The following TBC1D32 variants were observed in gnomAD, a reference collection of about 807,000 sequenced individuals.
The protein encoded by TBC1D32 is TBC1 domain family member 32, also known as protein broad-minded.
Under a neutral mutation model 170.3 loss-of-function variants are expected in TBC1D32, and 151 were observed. That is an observed-to-expected ratio of 0.89 (90% CI 0.78 to 1.01). The LOEUF (loss-of-function observed/expected upper bound fraction) is 1.01, where lower values mean the gene tolerates loss of function less well. TBC1D32 is among the 50% of genes least tolerant of loss of function. The probability of loss-of-function intolerance (pLI) is 0.00; values close to 1 mark genes in which losing one functional copy is unlikely to be tolerated. For missense variants in TBC1D32, 1,464 were observed against 1,457.1 expected (o/e 1.00, Z -0.08); for synonymous variants, 498 against 488.0 (o/e 1.02, Z -0.27).
chr6:121,311,725 CAAAA>C (rs34442665), intron 3 of TBC1D32, among the ~76,000 whole-genome samples: 7 of 114,512 alleles, frequency 6.1e-5, no homozygotes, highest in Admixed American at 2.5e-4. Context: ...GACTCCACCT[CAAAA>C]AAAAAAAAAA....
chr6:121,093,631 T>C (rs1469024491), intron 30 of TBC1D32, among the ~76,000 whole-genome samples: 1 of 152,286 alleles, frequency 6.6e-6, no homozygotes, highest in East Asian at 1.9e-4. Context: ...TATGCATTGG[T>C]TAAAGGAAAG....
At chr6:121,288,052 AAAG>A (rs1401022682) in intron 12 of TBC1D32, among the ~76,000 whole-genome samples, 1 of 152,232 alleles carries the variant, frequency 6.6e-6, no homozygotes, top group Non-Finnish European at 1.5e-5. Context: ...AGAAATCAGG[AAAG>A]ATCTAAAATT....
intron 21 of TBC1D32, among the ~76,000 whole-genome samples, chr6:121,218,155 G>A (rs1055870469): frequency 6.6e-6 from 1 of 152,148 alleles, no homozygotes; most frequent in African/African-American, 2.4e-5. Flanking sequence ...AGATCACTCT[G>A]GAGGCCATAG....
intron 20 of TBC1D32, among the ~76,000 whole-genome samples, chr6:121,231,268 A>G (rs967047909): frequency 1.4e-4 from 21 of 152,050 alleles, no homozygotes; most frequent in African/African-American, 4.8e-4. Context: ...TGATCTTTTT[A>G]TGGCTGAGTA....
intron 12 of TBC1D32, among the ~76,000 whole-genome samples, chr6:121,284,856 G>C (rs966869981): frequency 6.6e-6 from 1 of 152,052 alleles, no homozygotes; most frequent in Non-Finnish European, 1.5e-5. Flanking sequence ...AAGTTCAACA[G>C]TATCCTATAA....
intron 25 of TBC1D32, among the ~76,000 whole-genome samples, chr6:121,129,097 C>A (rs557979304): frequency 6.6e-6 from 1 of 152,260 alleles, no homozygotes; most frequent in South Asian, 2.1e-4. Flanking sequence ...GCCTCCAGAA[C>A]TGTAAGAAAT....
chr6:121,083,358 T>C (rs184742927), intron 31 of TBC1D32, among the ~76,000 whole-genome samples: 140 of 152,234 alleles, frequency 9.2e-4, no homozygotes, highest in Non-Finnish European at 1.4e-3. Context: ...ATTTTGAGCT[T>C]ATTGCATTTC....
intron 17 of TBC1D32, among the ~76,000 whole-genome samples, chr6:121,248,864 T>G (rs1797951906): frequency 6.6e-6 from 1 of 151,784 alleles, no homozygotes; most frequent in Non-Finnish European, 1.5e-5. Context: ...ATAGCTGAAT[T>G]CTATCAGACA....
At chr6:121,216,000 T>G (rs754941268) in intron 21 of TBC1D32, among the ~76,000 whole-genome samples, 6 of 152,228 alleles carry the variant, frequency 3.9e-5, no homozygotes, top group African/African-American at 1.4e-4. Flanking sequence ...ATCCCATTAC[T>G]GGGTGTGATG....
intron 20 of TBC1D32, among the ~76,000 whole-genome samples, chr6:121,238,748 T>C (rs913106515): frequency 6.6e-5 from 10 of 152,098 alleles, no homozygotes; most frequent in African/African-American, 2.4e-4. Context: ...GGTTGGTTGG[T>C]TGGTTTTTCT....
At chr6:121,101,044 T>A (rs533070718) in intron 30 of TBC1D32, among the ~76,000 whole-genome samples, 60 of 152,066 alleles carry the variant, frequency 3.9e-4, no homozygotes, top group Non-Finnish European at 7.6e-4. Flanking sequence ...CAGGAAGAAG[T>A]TGAATTCCTG....
At chr6:121,332,358 G>A (rs747347265) in intron 1 of TBC1D32, among the ~76,000 whole-genome samples, 5 of 152,136 alleles carry the variant, frequency 3.3e-5, no homozygotes, top group African/African-American at 9.6e-5. Context: ...TCTATATAAC[G>A]AGGAGAAAAA....
chr6:121,260,678 G>A (rs1050613199), intron 15 of TBC1D32, among the ~76,000 whole-genome samples: 5 of 152,144 alleles, frequency 3.3e-5, no homozygotes, highest in Admixed American at 6.5e-5. Context: ...GTGAGCCCAC[G>A]CCACTGAGGC....
chr6:121,141,765 G>GT (rs1231717567), intron 24 of TBC1D32, among the ~76,000 whole-genome samples: 1 of 152,110 alleles, frequency 6.6e-6, no homozygotes, highest in Non-Finnish European at 1.5e-5. Flanking sequence ...GCATGAATGT[G>GT]TAGGAGTTCG....
intron 22 of TBC1D32, among the ~76,000 whole-genome samples, chr6:121,198,580 TC>T (rs1331555696): frequency 6.7e-6 from 1 of 150,372 alleles, no homozygotes; most frequent in Middle Eastern, 3.2e-3. Flanking sequence ...TGAAACCCTG[TC>T]TCTACTGAAA....
At chr6:121,149,208 G>C (rs1783883477) in intron 24 of TBC1D32, among the ~76,000 whole-genome samples, 1 of 152,054 alleles carries the variant, frequency 6.6e-6, no homozygotes. Flanking sequence ...TCTGTAGGTT[G>C]CCTGTTCACT....
At chr6:121,322,497 G>T (rs1809872870) in intron 1 of TBC1D32, among the ~76,000 whole-genome samples, 1 of 152,124 alleles carries the variant, frequency 6.6e-6, no homozygotes, top group Non-Finnish European at 1.5e-5. Flanking sequence ...GTCTTCTACA[G>T]CCTAAAATGT....
Position 121,283,830 on chromosome 6 carries a change from C to G in TBC1D32, c.1453G>C (p.Ala485Pro), listed in dbSNP as rs1583558586. 1 of 1,606,780 alleles carries G rather than the reference C, an allele frequency of 6.2e-7. No homozygotes were observed. Among genetic ancestry groups the G allele is most frequent in the South Asian group, 1.1e-5 (1 of 90,126 alleles). ...GAAACAGAATTACCTGAATGGGCAGCTGATGTCATCTTTGGACAACTTGGT... is the reference window on the plus strand; with the variant it reads ...GAAACAGAATTACCTGAATGGGCAGGTGATGTCATCTTTGGACAACTTGGT... ...YSPSCPKMTS[A>P]AHSENYSPAS... The change falls in exon 13 of 32, where the codon GCT becomes CCT. Residue 485 changes from alanine to proline, a missense_variant. Transcript: ENST00000398212.
At position 121,321,729 on chromosome 6, in the gene TBC1D32, T is replaced by A; in HGVS notation, c.221A>T (p.Glu74Val). ...GNTLGSMIEE[E>V]MEKCTSDRNQ... ...CCGATCAGATGTGCATTTTTCCATT[T>A]CTTCTTCAATCATAGAACCCAAAGT... The change falls in exon 2 of 32, where the codon GAA (glutamate) becomes GTA (valine). Residue 74 changes from glutamate to valine, a missense_variant. Physicochemically the swap from Glu to Val is moderately radical, Grantham distance 121. Transcript: ENST00000398212. 1 of 1,614,080 alleles carries A rather than the reference T, an allele frequency of 6.2e-7. No individual in the cohort carries two copies. The highest frequency in any genetic ancestry group is 2.2e-5 in the East Asian group (1 of 44,872).
Sources: allele counts gnomAD v4.1 joint callset (sites outside exome capture counted in the v4.1 genomes callset), GRCh38; gene constraint gnomAD v4.1.1; transcripts MANE v1.5; gene names NCBI Gene and HGNC (gene_info 2026-07-23, HGNC 2026-07-21).